Variants in RGMA observed in about 807,000 individuals in gnomAD.
RGMA encodes the protein repulsive guidance molecule A.
Under a neutral mutation model 23.2 loss-of-function variants are expected in RGMA, and 10 were observed. That is an observed-to-expected ratio of 0.43 (90% CI 0.27 to 0.73). The LOEUF (loss-of-function observed/expected upper bound fraction) is 0.73, where lower values mean the gene tolerates loss of function less well. Among genes scored for constraint, RGMA ranks in the 30% least tolerant of loss-of-function variants. The pLI, the probability that RGMA is intolerant of heterozygous loss-of-function variation, is 0.20. For missense variants in RGMA, 547 were observed against 630.5 expected, an observed-to-expected ratio of 0.87 and a Z score of 1.42; for synonymous variants, 308 against 279.3, an observed-to-expected ratio of 1.10 and a Z score of -1.03.
At chr15:93,078,258 C>T (rs1170321376) in intron 1 of RGMA, among the ~76,000 whole-genome samples, 3 of 152,178 alleles carry the variant, frequency 2.0e-5, no homozygotes, top group Admixed American at 2.0e-4. Context: ...GGAAACGACC[C>T]AACACTGGTT....
rs761873118 is a variant in RGMA at position 93,052,524 on chromosome 15, G to T, written c.131-17C>A. 6 of 1,551,000 alleles carry T rather than the reference G, an allele frequency of 3.9e-6. No individual in the cohort carries two copies. The highest frequency in any genetic ancestry group is 5.2e-6 in the Non-Finnish European group (6 of 1,148,540). On this transcript the variant is annotated splice_polypyrimidine_tract_variant and intron_variant, in intron 2 of 3. Coordinates refer to ENST00000329082, the MANE Select transcript of RGMA (RefSeq NM_020211.3). ...GGGAGGTGGCTGAGGAGAAAGGAAC[G>T]AACACACCGTCGGGGTGCAGCCTGG... is the stretch of plus-strand genomic sequence containing the variant.
intron 2 of RGMA, among the ~76,000 whole-genome samples, chr15:93,069,161 G>A (rs1483427152): frequency 6.6e-6 from 1 of 152,142 alleles, no homozygotes; most frequent in Admixed American, 6.5e-5. Flanking sequence ...CCAGGCTGGA[G>A]TACAGTGGTG....
chr15:93,040,512 T>G lies in RGMA; in HGVS notation c.*4486A>C, dbSNP rs11074130. The G allele has an allele frequency of 0.69, 105,695 of 152,128 alleles. 42,030 individuals carry two copies. The highest frequency in any genetic ancestry group is 0.91 in the Non-Finnish European group (61,972 of 68,052). 9.4% of individuals were successfully genotyped at this position (152,128 alleles called of 1,614,324 possible). A position where few individuals can be genotyped will look rare whatever the true frequency, so the allele number is the denominator to read the frequency against. On this transcript the variant is annotated 3_prime_UTR_variant, in exon 4 of 4. Transcript: ENST00000329082. Reference sequence around the variant, plus strand: ...GCTCTGCATGGCTTGTTCCTGAAATTCATGCAGGTGAGCTAGTCGGAGGCC... The same window carrying G: ...GCTCTGCATGGCTTGTTCCTGAAATGCATGCAGGTGAGCTAGTCGGAGGCC...
In RGMA at chr15:93,041,360, C is replaced by A. The variant is rs1301651103; in HGVS notation, c.*3638G>T. On this transcript the variant is annotated 3_prime_UTR_variant, in exon 4 of 4. Coordinates refer to ENST00000329082, the MANE Select transcript of RGMA (RefSeq NM_020211.3). ...CCTCCGCGGAGCTGGCAGCCAGGAA[C>A]CTCCAGAGGCTCCCAACCTAGCCCG... The A allele has an allele frequency of 6.6e-6, 1 of 152,234 alleles. No homozygotes were observed. The highest frequency in any genetic ancestry group is 2.4e-5 in the African/African-American group (1 of 41,450). 9.4% of individuals were successfully genotyped at this position (152,234 alleles called of 1,614,324 possible).
intron 1 of RGMA, among the ~76,000 whole-genome samples, chr15:93,080,327 T>C (rs1325053847): frequency 6.6e-6 from 1 of 151,988 alleles, no homozygotes; most frequent in Admixed American, 6.6e-5. Context: ...GCCTCCCGAG[T>C]AGCTGGGACC....
At chr15:93,066,404 G>A in intron 2 of RGMA, 1 of 686,320 alleles carries the variant, frequency 1.5e-6, no homozygotes, top group Admixed American at 1.9e-5. Flanking sequence ...GGGAAACGGG[G>A]GGCGGGGGTT....
In RGMA at chr15:93,038,099, T is replaced by C. The variant is rs1169371933; in HGVS notation, c.*6899A>G. ...AGGGAAGGATTAAAAAGTCGAAATGTTGAAAAGCCCTGCAGGATGGGGAAG... is the reference window on the plus strand; with the variant it reads ...AGGGAAGGATTAAAAAGTCGAAATGCTGAAAAGCCCTGCAGGATGGGGAAG... On this transcript the variant is annotated 3_prime_UTR_variant, in exon 4 of 4. Coordinates refer to ENST00000329082, the MANE Select transcript of RGMA (RefSeq NM_020211.3). The C allele has an allele frequency of 1.3e-5, 2 of 152,198 alleles. No individual in the cohort carries two copies. The highest frequency in any genetic ancestry group is 2.9e-5 in the Non-Finnish European group (2 of 68,056). The allele number at this position is 152,198 out of a possible 1,614,324, so 9.4% of individuals were successfully genotyped here.
rs1471553159 is a variant in RGMA, at chr15:93,038,569, G to GTTGTTGTTTTTTTTTTTTTTTTTTTTT, written c.*6428_*6429insAAAAAAAAAAAAAAAAAAAAACAACAA. The GTTGTTGTTTTTTTTTTTTTTTTTTTTT allele has an allele frequency of 3.0e-5, 3 of 100,222 alleles. No homozygotes were observed. Among genetic ancestry groups the GTTGTTGTTTTTTTTTTTTTTTTTTTTT allele is most frequent in the African/African-American group, 9.7e-5 (3 of 30,862 alleles). The allele number at this position is 100,222 out of a possible 1,614,324, so 6.2% of individuals were successfully genotyped here. A position where few individuals can be genotyped will look rare whatever the true frequency, so the allele number is the denominator to read the frequency against. ...GCCTTAATGAACGAAACTGTTAGTTGTTTTTTTTTTTTTTTTGAGACGGTG... is the reference window on the plus strand; with the variant it reads ...GCCTTAATGAACGAAACTGTTAGTTGTTGTTGTTTTTTTTTTTTTTTTTTTTTTTTTTTTTTTTTTTTTGAGACGGTG... On this transcript the variant is annotated 3_prime_UTR_variant, in exon 4 of 4. Coordinates refer to ENST00000329082, the MANE Select transcript of RGMA (RefSeq NM_020211.3).
At position 93,045,097 on chromosome 15, in the gene RGMA, C is replaced by T. The variant is rs749393631; in HGVS notation, c.1254G>A (p.Arg418=). 6.3e-7 allele frequency: 1 copy of T among 1,582,894 alleles called. No individual in the cohort carries two copies. Among genetic ancestry groups the T allele is most frequent in the Non-Finnish European group, 8.6e-7 (1 of 1,164,642 alleles). ...KDKLHLYERT[R]DLPGRAAAGL... is the part of the protein sequence containing the mutation. ...CCGCAGCCGCCCTGCCTGGCAGGTC[C>T]CGAGTCCTCTCATACAGGTGCAGTT... The change falls in exon 4 of 4, where the codon CGG becomes CGA. Residue 418 remains arginine, a synonymous_variant. Coordinates refer to ENST00000329082, the MANE Select transcript of RGMA (RefSeq NM_020211.3). The surrounding 1 kb of genome is among the most constrained non-coding windows in gnomAD (Gnocchi z 6.9).
At chr15:93,083,302 C>T (rs1895587364) in intron 1 of RGMA, among the ~76,000 whole-genome samples, 1 of 152,158 alleles carries the variant, frequency 6.6e-6, no homozygotes, top group Admixed American at 6.5e-5. Context: ...AAAACCAAAA[C>T]CAAGTGTTTC....
chr15:93,048,035 T>C (rs2054854620), intron 3 of RGMA, among the ~76,000 whole-genome samples: 1 of 152,056 alleles, frequency 6.6e-6, no homozygotes, highest in Non-Finnish European at 1.5e-5. Context: ...AGTGGCCTGT[T>C]TGGGGCGGGC....
chr15:93,074,074 T>A, intron 1 of RGMA: 1 of 1,251,112 alleles, frequency 8.0e-7, no homozygotes, highest in Non-Finnish European at 1.0e-6. Context: ...TCTGCTGCCG[T>A]TGTGATATTT....
chr15:93,076,795 C>T (rs905912741), intron 1 of RGMA, among the ~76,000 whole-genome samples: 1 of 152,198 alleles, frequency 6.6e-6, no homozygotes, highest in African/African-American at 2.4e-5. Flanking sequence ...CCAAGCCAAG[C>T]TGGCCGAACC....
At chr15:93,077,900 G>A (rs986251145) in intron 1 of RGMA, among the ~76,000 whole-genome samples, 8 of 152,140 alleles carry the variant, frequency 5.3e-5, no homozygotes, top group African/African-American at 1.7e-4. Flanking sequence ...TAGAGACAGG[G>A]TTTCACCATG....
chr15:93,075,095 CTT>C (rs35797220), intron 1 of RGMA, among the ~76,000 whole-genome samples: 4,659 of 139,350 alleles, frequency 0.033, 200 homozygotes, highest in African/African-American at 0.11. Context: ...CACAGCAGGA[CTT>C]TTTTTTTTTT....
At chr15:93,055,105 G>A (rs570493741) in intron 2 of RGMA, among the ~76,000 whole-genome samples, 1 of 152,162 alleles carries the variant, frequency 6.6e-6, no homozygotes, top group African/African-American at 2.4e-5. Flanking sequence ...CCGGTGTGCT[G>A]ACCTGCCATT....
At position 93,045,785 on chromosome 15, in the gene RGMA, TGA is replaced by T. The variant is rs1296398811; in HGVS notation, c.646-82_646-81del. ...GCCCCACACTTAAGATGCTCTAGAC[TGA>T]GAGGAGGGCAGGAAGGATCCCCAGG... On this transcript the variant is annotated intron_variant, in intron 3 of 3. Coordinates refer to ENST00000329082, the MANE Select transcript of RGMA (RefSeq NM_020211.3). This position sits in a 1 kb window ranked among gnomAD's most constrained non-coding sequence, Gnocchi z 6.9. The T allele has an allele frequency of 9.4e-7, 1 of 1,066,162 alleles. No individual in the cohort carries two copies. Among genetic ancestry groups the T allele is most frequent in the Non-Finnish European group, 1.4e-6 (1 of 715,586 alleles). 66.0% of individuals were successfully genotyped at this position (1,066,162 alleles called of 1,614,324 possible). A position where few individuals can be genotyped will look rare whatever the true frequency, so the allele number is the denominator to read the frequency against.
chr15:93,050,366 A>G (rs940571047), intron 3 of RGMA, among the ~76,000 whole-genome samples: 3 of 152,198 alleles, frequency 2.0e-5, no homozygotes, highest in African/African-American at 4.8e-5. Flanking sequence ...GGGGGACCAC[A>G]ATACCCCAGT....
intron 2 of RGMA, among the ~76,000 whole-genome samples, chr15:93,067,944 G>A (rs1251861978): frequency 6.6e-6 from 1 of 152,118 alleles, no homozygotes; most frequent in African/African-American, 2.4e-5. Context: ...AGGACCAGGA[G>A]GAGGAAGGAC....
Sources: gnomAD v4.1 joint callset for allele counts (sites outside exome capture counted in the v4.1 genomes callset) on GRCh38, gnomAD v4.1.1 for gene constraint, Gnocchi (gnomAD v3.1) non-coding constraint, MANE v1.5 for transcripts, NCBI Gene and HGNC (gene_info 2026-07-23, HGNC 2026-07-21) for gene names.